The following DNAH9 variants were observed in gnomAD, a reference collection of about 807,000 sequenced individuals.
The protein encoded by DNAH9 is dynein axonemal heavy chain 9.
A neutral mutation model predicts 471.6 loss-of-function variants in DNAH9; 345 were observed. The observed-to-expected ratio is 0.73, with a 90% CI of 0.67 to 0.80. The LOEUF is 0.80. Ranked by LOEUF, DNAH9 falls within the 30% of genes least tolerant of loss-of-function variation. The probability of loss-of-function intolerance (pLI) is 0.00; values close to 1 mark genes in which losing one functional copy is unlikely to be tolerated. For synonymous variants in DNAH9, 2,093 were observed against 2,123.6 expected (o/e 0.99, Z 0.40); for missense variants, 5,407 against 5,609.2 (o/e 0.96, Z 1.15).
At chr17:11,723,409 C>T (rs1307363036) in intron 27 of DNAH9, 2 of 152,294 alleles carry the variant, frequency 1.3e-5, no homozygotes, top group Non-Finnish European at 2.9e-5. Flanking sequence ...TCGCCTAGTC[C>T]CAAAGCTCAC....
At position 11,704,295 on chromosome 17, in the gene DNAH9, C is replaced by T. The variant is rs1231230988; in HGVS notation, c.5244C>T (p.Asp1748=). 1 of 1,614,184 alleles carries T rather than the reference C, an allele frequency of 6.2e-7. No homozygotes were observed. The highest frequency in any genetic ancestry group is 1.1e-5 in the South Asian group (1 of 91,088). ...LEEGYESAMK[D]YYKKQVAQLK... The stretch of plus-strand genomic sequence containing the variant: ...AAGGCTATGAGAGTGCCATGAAGGA[C>T]TATTATAAGAAGCAAGTGGCCCAGC... The change falls in exon 25 of 69, where the codon GAC becomes GAT. Residue 1748 remains aspartate (D), a synonymous_variant. Transcript: ENST00000262442.
At chr17:11,694,696 CGCTT>C (rs1391657346) in intron 22 of DNAH9, among the ~76,000 whole-genome samples, 54 of 3,934 alleles carry the variant, frequency 0.014, 14 homozygotes, top group South Asian at 0.019. Flanking sequence ...CTCGCTTTCT[CGCTT>C]TCTCTCTCTC....
chr17:11,858,403 TAGC>T lies in DNAH9; in HGVS notation c.9933+3978_9933+3980del, dbSNP rs368707230. On this transcript the variant is annotated intron_variant, in intron 50 of 68. Coordinates refer to ENST00000262442, the MANE Select transcript of DNAH9 (RefSeq NM_001372.4). ...TTTAATTAATTGCCAATATTTAAAA[TAGC>T]AGGTACTTTTACGTAAAAATCTTAT... Among the ~76,000 whole-genome samples the T allele has an allele frequency of 4.0e-3, 603 of 152,320 alleles. 5 individuals are homozygous for T. Among genetic ancestry groups the T allele is most frequent in the African/African-American group, 0.013 (556 of 41,572 alleles).
intron 26 of DNAH9, among the ~76,000 whole-genome samples, chr17:11,712,266 G>T (rs2074881071): frequency 6.7e-6 from 1 of 149,108 alleles, no homozygotes; most frequent in Admixed American, 6.8e-5. Flanking sequence ...TCTGTAGTTG[G>T]TTATTTTTTA....
intron 35 of DNAH9, among the ~76,000 whole-genome samples, chr17:11,762,796 T>TTTTTTTTTTTTC (rs1555584732): frequency 1.4e-5 from 2 of 144,590 alleles, no homozygotes; most frequent in Non-Finnish European, 3.0e-5. Flanking sequence ...TTTTTTTTTT[T>TTTTTTTTTTTTC]TGAGATGGAG....
rs570061179 is a variant in DNAH9, at chr17:11,770,826, A to G, written c.7552+1497A>G. On this transcript the variant is annotated intron_variant, in intron 38 of 68. Coordinates refer to ENST00000262442, the MANE Select transcript of DNAH9 (RefSeq NM_001372.4). ...AATCTGTATTATTAACATTTTCCTT[A>G]TATTTTCACAAGTCTACAAAACAAA... is the stretch of plus-strand genomic sequence containing the variant. Among the ~76,000 whole-genome samples, 179 of 152,308 alleles carry G rather than the reference A, an allele frequency of 1.2e-3. 1 individual carries two copies. The highest frequency in any genetic ancestry group is 6.8e-3 in the Middle Eastern group (2 of 294).
chr17:11,679,417 C>G (rs2074097492), intron 17 of DNAH9, among the ~76,000 whole-genome samples: 1 of 152,262 alleles, frequency 6.6e-6, no homozygotes, highest in Non-Finnish European at 1.5e-5. Flanking sequence ...ATACAAAGGT[C>G]TGCACCTATC....
At position 11,875,122 on chromosome 17, in the gene DNAH9, C is replaced by T. The variant is rs1250141365; in HGVS notation, c.10416C>T (p.Gly3472=). ...TCATGGTTGACCCTCAGCTACAAGG[C>T]ATCAAATGGATCAAGAATAAATATG... ...WPLMVDPQLQ[G]IKWIKNKYGE... Residue 3472 remains glycine (G), a synonymous_variant, in exon 53 of 69, where the codon GGC becomes GGT. Transcript: ENST00000262442. 3.1e-6 allele frequency: 5 copies of T among 1,614,134 alleles called. No individual in the cohort carries two copies. Among genetic ancestry groups the T allele is most frequent in the Non-Finnish European group, 4.2e-6 (5 of 1,180,022 alleles).
At chr17:11,693,201 C>A (rs2074364498) in intron 20 of DNAH9, among the ~76,000 whole-genome samples, 1 of 150,432 alleles carries the variant, frequency 6.6e-6, no homozygotes, top group South Asian at 2.1e-4. Flanking sequence ...GTGTGAGCCA[C>A]CGCGCCCAGC....
intron 61 of DNAH9, among the ~76,000 whole-genome samples, chr17:11,908,920 G>T (rs190574496): frequency 3.3e-5 from 5 of 152,324 alleles, no homozygotes; most frequent in Admixed American, 3.3e-4. Context: ...GACTGATAGT[G>T]GGAAAGTGTG....
chr17:11,759,689 ATT>A (rs35617747), intron 35 of DNAH9, among the ~76,000 whole-genome samples: 72 of 128,428 alleles, frequency 5.6e-4, no homozygotes, highest in African/African-American at 5.6e-4. Flanking sequence ...TGCCCACCTA[ATT>A]TTTTTTTTTT....
At chr17:11,645,478 C>T (rs1272603232) in intron 11 of DNAH9, among the ~76,000 whole-genome samples, 1 of 152,174 alleles carries the variant, frequency 6.6e-6, no homozygotes, top group Non-Finnish European at 1.5e-5. Flanking sequence ...ATCTGTTCCC[C>T]TCAGTACCCA....
At chr17:11,868,508 C>T (rs757209905) in intron 50 of DNAH9, among the ~76,000 whole-genome samples, 2 of 151,916 alleles carry the variant, frequency 1.3e-5, no homozygotes, top group Non-Finnish European at 2.9e-5. Context: ...TGTTCCTATA[C>T]ATTGTGTTAA....
intron 30 of DNAH9, among the ~76,000 whole-genome samples, chr17:11,743,496 G>C (rs1402608210): frequency 6.6e-6 from 1 of 152,180 alleles, no homozygotes; most frequent in Non-Finnish European, 1.5e-5. Context: ...TCCCAAGATA[G>C]AGACCAATGT....
chr17:11,804,716 A>T (rs8069779), intron 43 of DNAH9, among the ~76,000 whole-genome samples: 103,110 of 151,750 alleles, frequency 0.68, 35,164 homozygotes, highest in African/African-American at 0.71. Flanking sequence ...CTACTAAAAA[A>T]ACAAAAAATT....
chr17:11,658,855 A>G (rs1013177754), intron 14 of DNAH9, among the ~76,000 whole-genome samples: 1 of 152,080 alleles, frequency 6.6e-6, no homozygotes, highest in South Asian at 2.1e-4. Context: ...GCATTCGATC[A>G]TGTCATATTA....
intron 57 of DNAH9, among the ~76,000 whole-genome samples, chr17:11,889,229 A>C (rs1395108283): frequency 6.6e-6 from 1 of 152,216 alleles, no homozygotes; most frequent in Admixed American, 6.5e-5. Flanking sequence ...ACACTTCTCA[A>C]AATAGAAGAA....
intron 12 of DNAH9, among the ~76,000 whole-genome samples, chr17:11,649,375 A>G: frequency 6.6e-6 from 1 of 152,306 alleles, no homozygotes; most frequent in South Asian, 2.1e-4. Context: ...TGAAATTGGC[A>G]TGTTTTTAGT....
intron 21 of DNAH9, 98 bp from the exon 22 acceptor site, chr17:11,694,223 A>G (rs1479923487): frequency 2.2e-6 from 3 of 1,380,468 alleles, no homozygotes; most frequent in African/African-American, 2.9e-5. Context: ...GCTAATGCAT[A>G]TGTTCCGTCT....
Sources: gnomAD v4.1 joint callset for allele counts (sites outside exome capture counted in the v4.1 genomes callset) on GRCh38, gnomAD v4.1.1 for gene constraint, MANE v1.5 for transcripts, NCBI Gene and HGNC (gene_info 2026-07-23, HGNC 2026-07-21) for gene names.